IST1: variants seen among roughly 807,000 people sequenced by gnomAD.
IST1 encodes the protein IST1 factor associated with ESCRT-III.
In IST1, 23 loss-of-function variants were observed where a neutral mutation model predicts 37.0. The observed-to-expected ratio is 0.62, with a 90% CI of 0.45 to 0.88. The LOEUF (loss-of-function observed/expected upper bound fraction) is 0.88, where lower values mean the gene tolerates loss of function less well. Ranked by LOEUF, IST1 falls within the 40% of genes least tolerant of loss-of-function variation. The pLI, the probability that IST1 is intolerant of heterozygous loss-of-function variation, is 0.00. For synonymous variants in IST1, 180 were observed against 161.7 expected (o/e 1.11, Z -0.86); for missense variants, 488 against 445.4 (o/e 1.10, Z -0.86).
chr16:71,909,014 C>T (rs1199542411), intron 1 of IST1, among the ~76,000 whole-genome samples: 1 of 151,770 alleles, frequency 6.6e-6, no homozygotes, highest in Non-Finnish European at 1.5e-5. Flanking sequence ...TTTTAAGGAC[C>T]ATCCATGTTG....
At chr16:71,912,207 C>G (rs1021895144) in intron 1 of IST1, among the ~76,000 whole-genome samples, 8 of 151,870 alleles carry the variant, frequency 5.3e-5, no homozygotes, top group Non-Finnish European at 2.9e-5. Flanking sequence ...AATTTTATGT[C>G]TCTTCTTAAA....
intron 1 of IST1, among the ~76,000 whole-genome samples, chr16:71,910,985 CAAAAA>C (rs753931103): frequency 6.6e-6 from 1 of 151,452 alleles, no homozygotes; most frequent in Admixed American, 6.6e-5. Context: ...TAAAAACAAA[CAAAAA>C]AAACATTGGG....
Position 71,921,767 on chromosome 16 carries a change from C to A in IST1, c.552+314C>A, listed in dbSNP as rs2037591481. Reference sequence around the variant, plus strand: ...GAAATGCCCCAAGACCCAAACAGTTCCCGAAACATTTATTGGGTACCCACC... The same window carrying A: ...GAAATGCCCCAAGACCCAAACAGTTACCGAAACATTTATTGGGTACCCACC... On this transcript the variant is annotated intron_variant, in intron 6 of 9. Transcript: ENST00000378799. 8 of 274,272 alleles carry A rather than the reference C, an allele frequency of 2.9e-5. No homozygotes were observed. The South Asian group carries it at 3.1e-4, about 11-fold the overall frequency. 17.0% of individuals were successfully genotyped at this position (274,272 alleles called of 1,614,324 possible).
chr16:71,922,637 C>T lies in IST1; in HGVS notation c.716C>T (p.Pro239Leu), dbSNP rs2037630668. 3 of 1,614,010 alleles carry T rather than the reference C, an allele frequency of 1.9e-6. No homozygotes were observed. The East Asian group carries it at 6.7e-5, about 36-fold the overall frequency. The change falls in exon 7 of 10, where the codon CCA becomes CTA. Residue 239 changes from proline to leucine, a missense_variant. Physicochemically the swap from Pro to Leu is moderately conservative, Grantham distance 98. Transcript: ENST00000378799. ...CCCATGCCCATGCCCATGCCTATGC[C>T]ATCTGCAAATACGCCTTTCTCATAT... ...PMPMPMPMPMPSANTPFSYPL... is the reference protein window; with the variant it reads ...PMPMPMPMPMLSANTPFSYPL...
At chr16:71,920,930 C>G (rs1278686850) in intron 5 of IST1, 108 bp downstream of exon 5, 1 of 833,548 alleles carries the variant, frequency 1.2e-6, no homozygotes, top group African/African-American at 1.7e-5. Flanking sequence ...TGGGGTTTCA[C>G]CTTTCATAGT....
chr16:71,916,735 G>A (rs1340665220), intron 3 of IST1, 93 bp downstream of exon 3: 16 of 1,082,166 alleles, frequency 1.5e-5, no homozygotes, highest in Non-Finnish European at 2.1e-5. Context: ...TATTTCACAT[G>A]CCCAAGGATC....
In IST1 at chr16:71,927,992, T is replaced by TGA; in HGVS notation, c.*182_*183dup. ...CTGCTTTCCAGTTCTCTGTTGATCC[T>TGA]GAGACTAACAATTGGAGACTGAGGC... is the stretch of plus-strand genomic sequence containing the variant. On this transcript the variant is annotated 3_prime_UTR_variant, in exon 10 of 10. Transcript: ENST00000378799. The TGA allele has an allele frequency of 3.4e-6, 2 of 587,752 alleles. No homozygotes were observed. The highest frequency in any genetic ancestry group is 3.9e-5 in the South Asian group (2 of 50,768). The allele number at this position is 587,752 out of a possible 1,614,324, so 36.4% of individuals were successfully genotyped here.
intron 1 of IST1, chr16:71,903,742 CTACA>C (rs1354609538): frequency 2.0e-5 from 3 of 152,164 alleles, no homozygotes; most frequent in African/African-American, 2.4e-5. Flanking sequence ...CAGCTATGTC[CTACA>C]TTCATGAATG....
At chr16:71,909,298 G>A (rs771732392) in intron 1 of IST1, among the ~76,000 whole-genome samples, 4 of 151,936 alleles carry the variant, frequency 2.6e-5, no homozygotes, top group Non-Finnish European at 4.4e-5. Flanking sequence ...TGTAGAGAGG[G>A]TCTTGCCATG....
chr16:71,930,482 C>G lies in IST1; in HGVS notation c.*2669C>G, dbSNP rs377635508. On this transcript the variant is annotated 3_prime_UTR_variant, in exon 10 of 10. Coordinates refer to ENST00000378799, the MANE Select transcript of IST1 (RefSeq NM_001270975.2). ...ACATGAGTTTTGGCAAAAAATACAT[C>G]TAATCATGGAAGCTAAAAGTGGGAG... 8.9e-6 allele frequency: 2 copies of G among 224,568 alleles called. No homozygotes were observed. Among genetic ancestry groups the G allele is most frequent in the Non-Finnish European group, 1.7e-5 (2 of 114,376 alleles). 13.9% of individuals were successfully genotyped at this position (224,568 alleles called of 1,614,324 possible).
At chr16:71,916,958 C>A in intron 3 of IST1, 89 bp from the exon 4 acceptor site, 1 of 771,220 alleles carries the variant, frequency 1.3e-6, no homozygotes, top group Non-Finnish European at 2.1e-6. Flanking sequence ...CACAGAATGG[C>A]TTTGGAGGCT....
chr16:71,919,149 T>C (rs2037527119), intron 4 of IST1, among the ~76,000 whole-genome samples: 1 of 152,226 alleles, frequency 6.6e-6, no homozygotes, highest in Admixed American at 6.5e-5. Context: ...ATTAGTAGCT[T>C]TCTGTTGCTC....
At chr16:71,926,557 AG>A (rs1567476083) in intron 9 of IST1, among the ~76,000 whole-genome samples, 1 of 151,974 alleles carries the variant, frequency 6.6e-6, no homozygotes, top group Non-Finnish European at 1.5e-5. Context: ...CATGTTAGCC[AG>A]GATGGTCTTG....
intron 1 of IST1, chr16:71,903,759 C>T (rs537758671): frequency 4.6e-5 from 7 of 152,172 alleles, no homozygotes; most frequent in Admixed American, 2.6e-4. Flanking sequence ...CATGAATGTT[C>T]TAGTACACTG....
chr16:71,894,717 G>A, upstream of IST1: 1 of 185,762 alleles, frequency 5.4e-6, no homozygotes, highest in Non-Finnish European at 8.9e-6. Context: ...TTTTTTTTTT[G>A]TAGCGATGCG....
chr16:71,927,516 G>C, intron 9 of IST1, 98 bp from the exon 10 acceptor site: 1 of 873,444 alleles, frequency 1.1e-6, no homozygotes, highest in Non-Finnish European at 1.8e-6. Flanking sequence ...TGTGAACTAA[G>C]GTTTTCTCCT....
At chr16:71,912,300 C>G (rs1176772724) in intron 1 of IST1, among the ~76,000 whole-genome samples, 2 of 152,090 alleles carry the variant, frequency 1.3e-5, no homozygotes, top group Non-Finnish European at 2.9e-5. Flanking sequence ...TGCGGTGGCG[C>G]GGTCTCAGCT....
chr16:71,925,693 C>T (rs536095084), intron 9 of IST1, among the ~76,000 whole-genome samples: 4 of 148,842 alleles, frequency 2.7e-5, no homozygotes, highest in South Asian at 2.1e-4. Flanking sequence ...TGTGGTGATT[C>T]ACATTTGTAA....
intron 1 of IST1, among the ~76,000 whole-genome samples, chr16:71,909,668 C>T (rs914218248): frequency 1.3e-5 from 2 of 152,154 alleles, no homozygotes; most frequent in African/African-American, 4.8e-5. Context: ...TAATTTTTGC[C>T]AGTCTGGCAG....
Sources: allele counts gnomAD v4.1 joint callset (sites outside exome capture counted in the v4.1 genomes callset), GRCh38; gene constraint gnomAD v4.1.1; transcripts MANE v1.5; gene names NCBI Gene and HGNC (gene_info 2026-07-23, HGNC 2026-07-21).